Variants in NLGN4X observed in about 807,000 individuals in gnomAD.
NLGN4X encodes the protein neuroligin-4, X-linked.
Under a neutral mutation model 40.3 loss-of-function variants are expected in NLGN4X, and 3 were observed. The ratio of observed to expected loss-of-function variants is 0.07; its 90% CI spans 0.03 to 0.19. NLGN4X has a LOEUF of 0.19. Ranked by LOEUF, NLGN4X falls within the 10% of genes least tolerant of loss-of-function variation. The probability of loss-of-function intolerance (pLI) is 1.00; values close to 1 mark genes in which losing one functional copy is unlikely to be tolerated. For missense variants in NLGN4X, 382 were observed against 708.3 expected (o/e 0.54, Z 5.23); for synonymous variants, 270 against 306.8 (o/e 0.88, Z 1.25).
At chrX:6,193,383 T>G (rs1412998864) in intron 1 of NLGN4X, among the ~76,000 whole-genome samples, 1 of 79,046 alleles carries the variant, frequency 1.3e-5, no homozygotes, top group Non-Finnish European at 2.2e-5. Flanking sequence ...CACTCCCGCC[T>G]GGGCGACAGA....
At chrX:6,059,548 T>C (rs960906257) in intron 2 of NLGN4X, among the ~76,000 whole-genome samples, 4 of 111,871 alleles carry the variant, frequency 3.6e-5, no homozygotes, top group African/African-American at 6.5e-5. Flanking sequence ...CAGCAAGACG[T>C]TGGCTCCTCC....
chrX:6,028,435 C>T (rs1413642555), intron 3 of NLGN4X, among the ~76,000 whole-genome samples: 1 of 109,989 alleles, frequency 9.1e-6, no homozygotes, highest in Non-Finnish European at 1.9e-5. Flanking sequence ...CCGAGGCAGG[C>T]GGATCACGAG....
chrX:6,173,275 A>G (rs759348134), intron 1 of NLGN4X, among the ~76,000 whole-genome samples: 1 of 112,000 alleles, frequency 8.9e-6, no homozygotes, highest in East Asian at 2.8e-4. Context: ...GGGCTCAGAG[A>G]ATGATACCAC....
intron 1 of NLGN4X, among the ~76,000 whole-genome samples, chrX:6,159,694 C>T: frequency 9.0e-6 from 1 of 111,564 alleles, no homozygotes; most frequent in East Asian, 2.8e-4. Context: ...CCATCAACTC[C>T]CTCCACTGCA....
chrX:6,089,254 G>A (rs1364730530), intron 2 of NLGN4X, among the ~76,000 whole-genome samples: 1 of 111,789 alleles, frequency 8.9e-6, no homozygotes, highest in South Asian at 3.7e-4. Context: ...AAATGTTAAC[G>A]CCTATTAAAC....
chrX:6,099,242 T>C (rs932040383), intron 2 of NLGN4X, among the ~76,000 whole-genome samples: 3 of 112,447 alleles, frequency 2.7e-5, no homozygotes, highest in African/African-American at 6.5e-5. Context: ...GATGGATAGA[T>C]GAATAAACCA....
rs1449947117 is a variant in NLGN4X at position 5,941,145 on chromosome X, A to G, written c.626-31906T>C. Among the ~76,000 whole-genome samples, 8 of 104,214 alleles carry G rather than the reference A, an allele frequency of 7.7e-5. No individual in the cohort carries two copies. In the East Asian group the frequency reaches 2.4e-3, roughly 32 times the overall value. The allele number at this position is 104,214 out of a possible 115,157, so 90.5% of individuals were successfully genotyped here. A position where few individuals can be genotyped will look rare whatever the true frequency, so the allele number is the denominator to read the frequency against. The stretch of plus-strand genomic sequence containing the variant: ...ACTCCCTCCTACAAAAAAAAAAAAA[A>G]AAGATAAAACGTTGTTCTGGATCGT... On this transcript the variant is annotated intron_variant, in intron 3 of 5. Transcript: ENST00000381095.
In NLGN4X at chrX:5,996,821, T is replaced by TC. The variant is rs568240565; in HGVS notation, c.625+32458dup. ...ACCATGTTGGCCAGGCCACTTGTACTCCTTCCCTCAAGTGATCCGCCGGCC... is the reference window on the plus strand; with the variant it reads ...ACCATGTTGGCCAGGCCACTTGTACTCCCTTCCCTCAAGTGATCCGCCGGCC... On this transcript the variant is annotated intron_variant, in intron 3 of 5. Coordinates refer to ENST00000381095, the MANE Select transcript of NLGN4X (RefSeq NM_181332.3). 5.5e-4 allele frequency among the ~76,000 whole-genome samples: 61 copies of TC among 110,686 alleles called. No individual in the cohort carries two copies. The South Asian group carries it at 0.022, about 39-fold the overall frequency.
intron 3 of NLGN4X, among the ~76,000 whole-genome samples, chrX:5,963,553 T>C (rs2034729273): frequency 8.9e-6 from 1 of 111,745 alleles, no homozygotes; most frequent in Non-Finnish European, 1.9e-5. Flanking sequence ...CTAAGTAACA[T>C]CTTCAAAACA....
intron 2 of NLGN4X, among the ~76,000 whole-genome samples, chrX:6,042,730 T>TATACACAC (rs1215396694): frequency 0.037 from 736 of 20,003 alleles, 37 homozygotes; most frequent in Non-Finnish European, 0.039. Flanking sequence ...TATATATATA[T>TATACACAC]ACACACACAC....
At chrX:5,993,669 C>T (rs772460131) in intron 3 of NLGN4X, among the ~76,000 whole-genome samples, 20 of 112,033 alleles carry the variant, frequency 1.8e-4, no homozygotes, top group Admixed American at 2.8e-4. Flanking sequence ...CCTTATGGGG[C>T]ACAGCAAAGA....
At chrX:5,985,422 G>T (rs2147079013) in intron 3 of NLGN4X, among the ~76,000 whole-genome samples, 1 of 109,906 alleles carries the variant, frequency 9.1e-6, no homozygotes, top group South Asian at 3.9e-4. Flanking sequence ...CACCACACCT[G>T]GCTAATTTAT....
rs150393318 is a variant in NLGN4X at position 5,915,565 on chromosome X, A to C, written c.626-6326T>G. On this transcript the variant is annotated intron_variant, in intron 3 of 5. Transcript: ENST00000381095. ...GAGTCTTTTTTTGTTTTTGAGACAG[A>C]CTCTCGCTCTGTCGCCTAAGCTGGA... Among the ~76,000 whole-genome samples the C allele has an allele frequency of 2.8e-3, 309 of 111,446 alleles. 1 individual carries two copies. Among genetic ancestry groups the C allele is most frequent in the African/African-American group, 9.8e-3 (300 of 30,666 alleles).
At chrX:6,188,280 T>G (rs1185719544) in intron 1 of NLGN4X, among the ~76,000 whole-genome samples, 1 of 112,334 alleles carries the variant, frequency 8.9e-6, no homozygotes, top group Non-Finnish European at 1.9e-5. Flanking sequence ...ACTCTGTTCA[T>G]CTCTTTTAAT....
chrX:6,005,385 A>T (rs2036079009), intron 3 of NLGN4X, among the ~76,000 whole-genome samples: 1 of 111,663 alleles, frequency 9.0e-6, no homozygotes, highest in Admixed American at 9.5e-5. Context: ...ACTGTCATCA[A>T]TATAACAAAG....
chrX:6,111,113 T>C (rs1214582781), intron 2 of NLGN4X, among the ~76,000 whole-genome samples: 2 of 112,143 alleles, frequency 1.8e-5, no homozygotes, highest in African/African-American at 3.2e-5. Context: ...TTTCCTTATT[T>C]AGTTTTATTT....
At chrX:6,176,202 T>A (rs1264601102) in intron 1 of NLGN4X, among the ~76,000 whole-genome samples, 3 of 111,547 alleles carry the variant, frequency 2.7e-5, no homozygotes, top group Non-Finnish European at 5.7e-5. Flanking sequence ...AAAAATCACT[T>A]TGTCTCCATG....
At chrX:6,032,104 A>T (rs2036874749) in intron 2 of NLGN4X, among the ~76,000 whole-genome samples, 1 of 93,033 alleles carries the variant, frequency 1.1e-5, no homozygotes. Context: ...TGAATGCATC[A>T]GGGCTCGTTA....
chrX:5,923,464 A>G (rs922581565), intron 3 of NLGN4X, among the ~76,000 whole-genome samples: 24 of 112,628 alleles, frequency 2.1e-4, no homozygotes, highest in African/African-American at 7.7e-4. Flanking sequence ...TCATAGAGAC[A>G]TGCCTGAGAC....
Sources: gnomAD v4.1 joint callset for allele counts (sites outside exome capture counted in the v4.1 genomes callset) on GRCh38, gnomAD v4.1.1 for gene constraint, MANE v1.5 for transcripts, NCBI Gene and HGNC (gene_info 2026-07-23, HGNC 2026-07-21) for gene names.